PPHLN1: variants seen among roughly 807,000 people sequenced by gnomAD.
PPHLN1 encodes periphilin-1.
PPHLN1 carries 29 observed loss-of-function variants against 51.3 expected under a neutral mutation model. The observed-to-expected ratio is 0.57, with a 90% CI of 0.42 to 0.77. The LOEUF (loss-of-function observed/expected upper bound fraction) is 0.77. PPHLN1 is among the 30% of genes least tolerant of loss of function. The pLI is 0.00. For missense variants in PPHLN1, 436 were observed against 438.4 expected, an observed-to-expected ratio of 0.99 and a Z score of 0.05; for synonymous variants, 147 against 147.8, an observed-to-expected ratio of 0.99 and a Z score of 0.04.
At chr12:42,363,180 A>G (rs1354891889) in intron 4 of PPHLN1, among the ~76,000 whole-genome samples, 1 of 152,188 alleles carries the variant, frequency 6.6e-6, no homozygotes, top group Admixed American at 6.5e-5. Context: ...CTTAATTTAT[A>G]ACCTTGTAGG....
chr12:42,430,173 G>A (rs889722558), intron 9 of PPHLN1, among the ~76,000 whole-genome samples: 1 of 152,046 alleles, frequency 6.6e-6, no homozygotes, highest in Admixed American at 6.6e-5. Context: ...AGGTTGAGCC[G>A]CTCACCAAAG....
At chr12:42,438,915 G>A (rs1361024452) in intron 9 of PPHLN1, among the ~76,000 whole-genome samples, 1 of 152,124 alleles carries the variant, frequency 6.6e-6, no homozygotes, top group Non-Finnish European at 1.5e-5. Context: ...TTATTGTTGA[G>A]TTATAAGTTC....
chr12:42,432,146 G>T, intron 9 of PPHLN1: 1 of 1,041,506 alleles, frequency 9.6e-7, no homozygotes, highest in Non-Finnish European at 1.5e-6. Flanking sequence ...GATGTCGGCT[G>T]TCTCGATCAT....
intron 8 of PPHLN1, among the ~76,000 whole-genome samples, chr12:42,398,043 A>G (rs115971750): frequency 1.2e-3 from 176 of 152,112 alleles, no homozygotes; most frequent in African/African-American, 4.1e-3. Context: ...AGTATTTACA[A>G]TGTGGCTCTT....
chr12:42,414,110 C>G (rs1225260903), intron 9 of PPHLN1, among the ~76,000 whole-genome samples: 1 of 152,112 alleles, frequency 6.6e-6, no homozygotes, highest in East Asian at 1.9e-4. Flanking sequence ...CATCTCGGCT[C>G]ACTGCAATCT....
At chr12:42,328,071 A>G (rs1371868939) in intron 1 of PPHLN1, among the ~76,000 whole-genome samples, 1 of 152,018 alleles carries the variant, frequency 6.6e-6, no homozygotes, top group African/African-American at 2.4e-5. Context: ...ATGGCCTATC[A>G]GTCACTAGTT....
At chr12:42,415,201 T>C (rs537157354) in intron 9 of PPHLN1, among the ~76,000 whole-genome samples, 1 of 152,348 alleles carries the variant, frequency 6.6e-6, no homozygotes, top group Non-Finnish European at 1.5e-5. Context: ...AGACGTAGTC[T>C]TGCTCTGTCG....
At chr12:42,442,589 T>C, downstream of PPHLN1, 1 of 1,611,076 alleles carries the variant, frequency 6.2e-7, no homozygotes, top group Non-Finnish European at 8.5e-7. Flanking sequence ...CTAGCCATTC[T>C]TACACAAAAT....
chr12:42,341,518 T>A (rs997305406), intron 2 of PPHLN1, among the ~76,000 whole-genome samples: 2 of 152,246 alleles, frequency 1.3e-5, no homozygotes, highest in Non-Finnish European at 2.9e-5. Flanking sequence ...GTTTTGATGT[T>A]AAATTATACT....
Position 42,402,668 on chromosome 12 carries a change from GTT to G in PPHLN1, c.909+3683_909+3684del, listed in dbSNP as rs148393837. On this transcript the variant is annotated intron_variant, in intron 9 of 9. Coordinates refer to ENST00000358314, the MANE Select transcript of PPHLN1 (RefSeq NM_201439.2). Reference sequence around the variant, plus strand: ...TTCATATTTAACTATAGAATTTTAAGTTTTTTTTTTAAACCTTCTTAAGGACA... The same window carrying G: ...TTCATATTTAACTATAGAATTTTAAGTTTTTTTTAAACCTTCTTAAGGACA... 2.0e-5 allele frequency among the ~76,000 whole-genome samples: 3 copies of G among 150,092 alleles called. No individual in the cohort carries two copies. The East Asian group carries it at 5.9e-4, about 29-fold the overall frequency.
chr12:42,344,634 G>T (rs1322676075), intron 2 of PPHLN1, among the ~76,000 whole-genome samples: 3 of 151,060 alleles, frequency 2.0e-5, no homozygotes, highest in Non-Finnish European at 2.9e-5. Flanking sequence ...TATTGGAAAA[G>T]AAATATTTTT....
At position 42,351,902 on chromosome 12, in the gene PPHLN1, A is replaced by G; in HGVS notation, c.90A>G (p.Leu30=). The G allele has an allele frequency of 6.3e-7, 1 of 1,576,666 alleles. No individual in the cohort carries two copies. Among genetic ancestry groups the G allele is most frequent in the Non-Finnish European group, 8.6e-7 (1 of 1,167,642 alleles). ...RSHPSDGYNR[L]VNIVPKKPPL... ...TGTTTTAGGATGGCTACAATAGACT[A>G]GTTAATATTGTGCCAAAGAAACCAC... The change falls in exon 3 of 10, where the codon CTA becomes CTG. Residue 30 remains leucine (L), a synonymous_variant. Coordinates refer to ENST00000358314, the MANE Select transcript of PPHLN1 (RefSeq NM_201439.2).
intron 1 of PPHLN1, among the ~76,000 whole-genome samples, chr12:42,335,432 A>G (rs3810791): frequency 0.16 from 24,730 of 152,154 alleles, 2,064 homozygotes; most frequent in Admixed American, 0.2. Context: ...GTAGATATAT[A>G]TTAAATGAAG....
chr12:42,353,951 A>G (rs961410910), intron 3 of PPHLN1, among the ~76,000 whole-genome samples: 1 of 152,210 alleles, frequency 6.6e-6, no homozygotes, highest in African/African-American at 2.4e-5. Flanking sequence ...CAAACAAACA[A>G]CAAGCATACT....
intron 7 of PPHLN1, among the ~76,000 whole-genome samples, chr12:42,389,629 A>G (rs1475495017): frequency 6.6e-6 from 1 of 152,202 alleles, no homozygotes; most frequent in African/African-American, 2.4e-5. Flanking sequence ...CCGAGTTTCT[A>G]TGAGGAAAAA....
intron 7 of PPHLN1, among the ~76,000 whole-genome samples, chr12:42,390,199 G>C (rs948442401): frequency 6.6e-6 from 1 of 151,968 alleles, no homozygotes; most frequent in African/African-American, 2.4e-5. Flanking sequence ...GCCTCAGGAG[G>C]AAAAAAACAG....
At chr12:42,390,321 T>A (rs2073682582) in intron 7 of PPHLN1, among the ~76,000 whole-genome samples, 1 of 152,186 alleles carries the variant, frequency 6.6e-6, no homozygotes, top group East Asian at 1.9e-4. Flanking sequence ...CTTAAACATA[T>A]CAAGGGTGCT....
chr12:42,400,530 A>G (rs1171548850), intron 9 of PPHLN1: 1 of 151,972 alleles, frequency 6.6e-6, no homozygotes, highest in Non-Finnish European at 1.5e-5. Flanking sequence ...TAAACCTGCA[A>G]GTGACCTTCG....
chr12:42,384,836 C>A, intron 5 of PPHLN1, 104 bp from the exon 6 acceptor site: 3 of 1,101,704 alleles, frequency 2.7e-6, no homozygotes, highest in Non-Finnish European at 2.6e-6. Flanking sequence ...CCAGAAAATG[C>A]TCAGAAGCCC....
Sources: gnomAD v4.1 joint callset for allele counts (sites outside exome capture counted in the v4.1 genomes callset) on GRCh38, gnomAD v4.1.1 for gene constraint, MANE v1.5 for transcripts, NCBI Gene and HGNC (gene_info 2026-07-23, HGNC 2026-07-21) for gene names.